The following CNTNAP4 variants were observed in gnomAD, a reference collection of about 807,000 sequenced individuals.
The protein encoded by CNTNAP4 is contactin associated protein family member 4.
Under a neutral mutation model 148.4 loss-of-function variants are expected in CNTNAP4, and 98 were observed. The observed-to-expected ratio is 0.66, with a 90% confidence interval of 0.56 to 0.78. The LOEUF is 0.78. CNTNAP4 is among the 30% of genes least tolerant of loss of function. CNTNAP4 has a pLI of 0.00. For missense variants in CNTNAP4, 1,935 were observed against 1,565.6 expected, an observed-to-expected ratio of 1.24 and a Z score of -3.98; for synonymous variants, 730 against 565.1, an observed-to-expected ratio of 1.29 and a Z score of -4.14.
chr16:76,469,717 A>C (rs1217085249), intron 10 of CNTNAP4: 1 of 152,222 alleles, frequency 6.6e-6, no homozygotes, highest in Non-Finnish European at 1.5e-5. Flanking sequence ...TTAGTGCCAT[A>C]CCTTAAAAAT....
At chr16:76,377,366 C>G (rs1188180623) in intron 3 of CNTNAP4, among the ~76,000 whole-genome samples, 1 of 152,028 alleles carries the variant, frequency 6.6e-6, no homozygotes, top group Non-Finnish European at 1.5e-5. Flanking sequence ...TGGAAAGTGT[C>G]TAAGGAAGCA....
At chr16:76,376,961 A>T (rs548094262) in intron 3 of CNTNAP4, among the ~76,000 whole-genome samples, 3 of 141,582 alleles carry the variant, frequency 2.1e-5, no homozygotes, top group Non-Finnish European at 4.6e-5. Flanking sequence ...GTGTACACAT[A>T]TACATACATG....
At chr16:76,524,153 T>C (rs961337214) in intron 17 of CNTNAP4, among the ~76,000 whole-genome samples, 2 of 152,186 alleles carry the variant, frequency 1.3e-5, no homozygotes, top group Non-Finnish European at 2.9e-5. Flanking sequence ...ATTATTTCCT[T>C]TACTCAAATA....
intron 17 of CNTNAP4, among the ~76,000 whole-genome samples, chr16:76,528,002 T>C (rs971185015): frequency 4.6e-5 from 7 of 152,164 alleles, no homozygotes; most frequent in Non-Finnish European, 7.4e-5. Context: ...AAAATGTACC[T>C]TCTTCTTGGT....
intron 2 of CNTNAP4, among the ~76,000 whole-genome samples, chr16:76,328,115 A>G (rs1217149955): frequency 6.6e-6 from 1 of 152,188 alleles, no homozygotes; most frequent in East Asian, 1.9e-4. Flanking sequence ...ATAATTCTCT[A>G]CCTCTGAAGT....
At chr16:76,400,883 G>T (rs1230373358) in intron 3 of CNTNAP4, among the ~76,000 whole-genome samples, 1 of 152,060 alleles carries the variant, frequency 6.6e-6, no homozygotes, top group African/African-American at 2.4e-5. Context: ...ACTCTGTTCT[G>T]TTCCACTGGT....
At chr16:76,334,109 C>A (rs1963802532) in intron 2 of CNTNAP4, among the ~76,000 whole-genome samples, 2 of 151,658 alleles carry the variant, frequency 1.3e-5, no homozygotes, top group Non-Finnish European at 2.9e-5. Flanking sequence ...TGCAGCACAC[C>A]AACATGGCAC....
intron 1 of CNTNAP4, among the ~76,000 whole-genome samples, chr16:76,300,229 A>C (rs1325253947): frequency 6.6e-6 from 1 of 152,194 alleles, no homozygotes; most frequent in South Asian, 2.1e-4. Flanking sequence ...TATCACTTTT[A>C]AAGAGAACAC....
chr16:76,472,554 G>C (rs1343149509), intron 10 of CNTNAP4, among the ~76,000 whole-genome samples: 1 of 149,822 alleles, frequency 6.7e-6, no homozygotes, highest in East Asian at 1.9e-4. Context: ...GTGGCCTCCA[G>C]CTCCATCTAT....
At chr16:76,524,734 G>A (rs1364165145) in intron 17 of CNTNAP4, among the ~76,000 whole-genome samples, 3 of 152,120 alleles carry the variant, frequency 2.0e-5, no homozygotes, top group African/African-American at 7.2e-5. Context: ...CTCACTGTAT[G>A]TGTTGAAATG....
intron 21 of CNTNAP4, among the ~76,000 whole-genome samples, chr16:76,544,122 A>G (rs1016015682): frequency 1.3e-5 from 2 of 152,066 alleles, no homozygotes. Context: ...GTAGTCCCAA[A>G]TTACCCTCCA....
chr16:76,472,867 C>G (rs1355422610), intron 10 of CNTNAP4, among the ~76,000 whole-genome samples: 1 of 152,034 alleles, frequency 6.6e-6, no homozygotes, highest in South Asian at 2.1e-4. Context: ...AGCTTTATAC[C>G]TGGGTGATGA....
Position 76,553,848 on chromosome 16 carries a change from C to A in CNTNAP4, c.3674C>A (p.Thr1225Lys), listed in dbSNP as rs1324291517. ...RTHSFADHSG[T>K]IDDREPLANA... ...GCTTTAACTGCAGATCATTCTGGAACAATAGATGACAGAGAGCCCCTTGCT... is the reference window on the plus strand; with the variant it reads ...GCTTTAACTGCAGATCATTCTGGAAAAATAGATGACAGAGAGCCCCTTGCT... The change falls in exon 23 of 24, where the codon ACA becomes AAA. Residue 1225 changes from threonine to lysine, a missense_variant. Transcript: ENST00000611870. 1 of 1,610,818 alleles carries A rather than the reference C, an allele frequency of 6.2e-7. No homozygotes were observed. Among genetic ancestry groups the A allele is most frequent in the South Asian group, 1.1e-5 (1 of 90,916 alleles).
At position 76,355,400 on chromosome 16, in the gene CNTNAP4, T is replaced by C. The variant is rs1279055824; in HGVS notation, c.279T>C (p.Ala93=). The change falls in exon 3 of 24, where the codon GCT becomes GCC. Residue 93 remains alanine, a synonymous_variant. Coordinates refer to ENST00000611870, the MANE Select transcript of CNTNAP4 (RefSeq NM_033401.5). ...IDLGERMEVT[A]VATQGGYGSS... Reference sequence around the variant, plus strand: ...TTGGAGAGAGAATGGAGGTCACCGCTGTGGCCACTCAAGGGGGATATGGTA... The same window carrying C: ...TTGGAGAGAGAATGGAGGTCACCGCCGTGGCCACTCAAGGGGGATATGGTA... The C allele has an allele frequency of 6.2e-7, 1 of 1,611,582 alleles. No individual in the cohort carries two copies.
chr16:76,478,301 A>G (rs1597674812), intron 11 of CNTNAP4, among the ~76,000 whole-genome samples: 1 of 152,236 alleles, frequency 6.6e-6, no homozygotes, highest in Non-Finnish European at 1.5e-5. Flanking sequence ...ATAGAAATGT[A>G]TAAACTAGTC....
At chr16:76,545,157 C>T (rs561665178) in intron 21 of CNTNAP4, among the ~76,000 whole-genome samples, 3 of 152,128 alleles carry the variant, frequency 2.0e-5, no homozygotes, top group Non-Finnish European at 4.4e-5. Flanking sequence ...ATCTTACAAT[C>T]TTTTAAAAAA....
intron 8 of CNTNAP4, among the ~76,000 whole-genome samples, chr16:76,454,926 A>T (rs1188859795): frequency 6.6e-6 from 1 of 152,216 alleles, no homozygotes; most frequent in Non-Finnish European, 1.5e-5. Context: ...ACATTTTAAT[A>T]TATTTTATAA....
intron 10 of CNTNAP4, among the ~76,000 whole-genome samples, chr16:76,474,683 G>C (rs944642580): frequency 4.5e-4 from 69 of 151,960 alleles, no homozygotes; most frequent in Admixed American, 7.9e-4. Flanking sequence ...ATCCTAAAAG[G>C]CATCAAAAAT....
chr16:76,522,575 C>T (rs2083497114), intron 17 of CNTNAP4, among the ~76,000 whole-genome samples: 1 of 141,970 alleles, frequency 7.0e-6, no homozygotes. Context: ...GCCTGCCGCC[C>T]TCCTTTCTTT....
Sources: gnomAD v4.1 joint callset for allele counts (sites outside exome capture counted in the v4.1 genomes callset) on GRCh38, gnomAD v4.1.1 for gene constraint, MANE v1.5 for transcripts, NCBI Gene and HGNC (gene_info 2026-07-23, HGNC 2026-07-21) for gene names.